Variants in FARS2 observed in about 807,000 individuals in gnomAD.
FARS2 encodes the protein phenylalanyl-tRNA synthetase 2, mitochondrial.
FARS2 carries 40 observed loss-of-function variants against 46.4 expected under a neutral mutation model. That is an observed-to-expected ratio of 0.86 (90% confidence interval 0.67 to 1.12). The LOEUF (loss-of-function observed/expected upper bound fraction) is 1.12, where lower values mean the gene tolerates loss of function less well. Among genes scored for constraint, FARS2 ranks in the 50% most tolerant of loss-of-function variants. The probability of loss-of-function intolerance (pLI) is 0.00; values close to 1 mark genes in which losing one functional copy is unlikely to be tolerated. For synonymous variants in FARS2, 234 were observed against 214.9 expected, an observed-to-expected ratio of 1.09 and a Z score of -0.78; for missense variants, 513 against 567.9, an observed-to-expected ratio of 0.90 and a Z score of 0.98.
At chr6:5,704,630 CA>C (rs1206905093) in intron 6 of FARS2, among the ~76,000 whole-genome samples, 1 of 151,876 alleles carries the variant, frequency 6.6e-6, no homozygotes, top group African/African-American at 2.4e-5. Flanking sequence ...CATTGACGTC[CA>C]AAAAAAGTGA....
At chr6:5,525,658 A>T (rs1270259844) in intron 4 of FARS2, among the ~76,000 whole-genome samples, 1 of 152,226 alleles carries the variant, frequency 6.6e-6, no homozygotes, top group Non-Finnish European at 1.5e-5. Flanking sequence ...TAAGGAGGAA[A>T]AAGCAGTTCA....
intron 6 of FARS2, among the ~76,000 whole-genome samples, chr6:5,646,202 T>G (rs1396890532): frequency 6.6e-6 from 1 of 152,178 alleles, no homozygotes; most frequent in Non-Finnish European, 1.5e-5. Flanking sequence ...TGTCCTTAAT[T>G]AAGACTTTAA....
At chr6:5,531,349 T>C (rs1406801585) in intron 4 of FARS2, among the ~76,000 whole-genome samples, 1 of 152,196 alleles carries the variant, frequency 6.6e-6, no homozygotes, top group Non-Finnish European at 1.5e-5. Flanking sequence ...GCAGGACCGT[T>C]GGGAATTGCT....
intron 1 of FARS2, among the ~76,000 whole-genome samples, chr6:5,296,139 T>G (rs1767849160): frequency 9.5e-6 from 1 of 105,170 alleles, no homozygotes; most frequent in African/African-American, 3.6e-5. Context: ...CTTTTTTTTT[T>G]TTTTTTTTTT....
chr6:5,656,981 T>G (rs1159395514), intron 6 of FARS2, among the ~76,000 whole-genome samples: 2 of 152,220 alleles, frequency 1.3e-5, no homozygotes, highest in African/African-American at 2.4e-5. Flanking sequence ...TGGCTTTTGA[T>G]CTGTATTTGA....
rs1224942120 is a variant in FARS2, at chr6:5,539,379, T to TG, written c.905-5801_905-5800insG. On this transcript the variant is annotated intron_variant, in intron 4 of 6. Coordinates refer to ENST00000274680, the MANE Select transcript of FARS2 (RefSeq NM_006567.5). ...CCGCCACCATGCCCACCTAATTTTT[T>TG]TTGTGTATATATATATATATGTATA... Among the ~76,000 whole-genome samples the TG allele has an allele frequency of 1.4e-4, 13 of 96,116 alleles. No homozygotes were observed. The East Asian group carries it at 1.5e-3, about 11-fold the overall frequency. 63.1% of individuals were successfully genotyped at this position (96,116 alleles called of 152,430 possible). A position where few individuals can be genotyped will look rare whatever the true frequency, so the allele number is the denominator to read the frequency against.
chr6:5,641,099 A>G (rs934118718), intron 6 of FARS2, among the ~76,000 whole-genome samples: 4 of 152,122 alleles, frequency 2.6e-5, no homozygotes, highest in African/African-American at 7.2e-5. Flanking sequence ...AATAGCAAAC[A>G]GTTGTTCTGC....
chr6:5,566,419 C>G (rs1219016601), intron 5 of FARS2, among the ~76,000 whole-genome samples: 1 of 152,140 alleles, frequency 6.6e-6, no homozygotes, highest in Non-Finnish European at 1.5e-5. Flanking sequence ...CAAAACAGAA[C>G]AGAGCCGTTG....
intron 3 of FARS2, among the ~76,000 whole-genome samples, chr6:5,429,593 G>T (rs995602268): frequency 4.6e-4 from 70 of 152,148 alleles, no homozygotes; most frequent in African/African-American, 1.7e-3. Context: ...ATTGCTTGAG[G>T]CCAGAAGTTC....
chr6:5,733,498 T>C (rs1348555456), intron 6 of FARS2, among the ~76,000 whole-genome samples: 1 of 152,206 alleles, frequency 6.6e-6, no homozygotes, highest in Non-Finnish European at 1.5e-5. Context: ...AACCATTGAC[T>C]CTCTTTCCAA....
At chr6:5,442,055 C>T (rs910699444) in intron 4 of FARS2, among the ~76,000 whole-genome samples, 4 of 151,762 alleles carry the variant, frequency 2.6e-5, no homozygotes, top group East Asian at 1.9e-4. Flanking sequence ...ATAGAGTAGC[C>T]GCCACTCCAC....
At chr6:5,345,218 A>G (rs1008597629) in intron 1 of FARS2, among the ~76,000 whole-genome samples, 3 of 152,186 alleles carry the variant, frequency 2.0e-5, no homozygotes, top group Middle Eastern at 3.4e-3. Context: ...AAACGCCATT[A>G]TAATTATTTT....
At position 5,410,461 on chromosome 6, in the gene FARS2, C is replaced by T. The variant is rs368346264; in HGVS notation, c.772+5760C>T. On this transcript the variant is annotated intron_variant, in intron 3 of 6. Coordinates refer to ENST00000274680, the MANE Select transcript of FARS2 (RefSeq NM_006567.5). ...ACAGGCGTGAGCCACTGCACCTGGC[C>T]GCGTTGTTCTATTTCAGGCATTTCA... Among the ~76,000 whole-genome samples the T allele has an allele frequency of 1.2e-4, 18 of 152,206 alleles. No individual in the cohort carries two copies. In the East Asian group the frequency reaches 1.7e-3, roughly 15 times the overall value.
intron 6 of FARS2, among the ~76,000 whole-genome samples, chr6:5,769,550 C>T (rs1318608284): frequency 6.6e-6 from 1 of 152,182 alleles, no homozygotes; most frequent in African/African-American, 2.4e-5. Flanking sequence ...AGTGCCTCCC[C>T]CAGGAGTCAG....
rs565892649 is a variant in FARS2 at position 5,677,956 on chromosome 6, T to TG, written c.1217+64638dup. On this transcript the variant is annotated intron_variant, in intron 6 of 6. Transcript: ENST00000274680. ...GCAACAATGAAAGTATGGATTCGAA[T>TG]GGCATCTTTGAAAATTGCAAGAAAT... is the stretch of plus-strand genomic sequence containing the variant. 4.3e-4 allele frequency among the ~76,000 whole-genome samples: 66 copies of TG among 152,270 alleles called. No individual in the cohort carries two copies. The East Asian group carries it at 0.01, about 24-fold the overall frequency.
intron 1 of FARS2, among the ~76,000 whole-genome samples, chr6:5,321,550 A>G (rs1230561441): frequency 6.6e-6 from 1 of 151,930 alleles, no homozygotes; most frequent in Non-Finnish European, 1.5e-5. Context: ...AGGACTGTGC[A>G]GGGGTGAAGA....
chr6:5,366,742 G>A (rs1290350581), intron 1 of FARS2, among the ~76,000 whole-genome samples: 1 of 152,166 alleles, frequency 6.6e-6, no homozygotes, highest in Admixed American at 6.5e-5. Flanking sequence ...GCACCTTTCC[G>A]AGAACAATTC....
rs544810352 is a variant in FARS2 at position 5,613,544 on chromosome 6, A to G, written c.1217+224A>G. ...TTTCCTGCCTTAGTAAAGAAAATATATGAAACAGAATCTTTTAAAAGTCCT... is the reference window on the plus strand; with the variant it reads ...TTTCCTGCCTTAGTAAAGAAAATATGTGAAACAGAATCTTTTAAAAGTCCT... On this transcript the variant is annotated intron_variant, in intron 6 of 6. Coordinates refer to ENST00000274680, the MANE Select transcript of FARS2 (RefSeq NM_006567.5). Among the ~76,000 whole-genome samples, 6 of 152,372 alleles carry G rather than the reference A, an allele frequency of 3.9e-5. No homozygotes were observed. The East Asian group carries it at 1.2e-3, about 29-fold the overall frequency.
At chr6:5,604,379 C>T (rs1029529383) in intron 5 of FARS2, among the ~76,000 whole-genome samples, 3 of 152,140 alleles carry the variant, frequency 2.0e-5, no homozygotes, top group Non-Finnish European at 4.4e-5. Flanking sequence ...GTCAGTTTCC[C>T]CCCCAGAAAG....
Sources: gnomAD v4.1 joint callset for allele counts (sites outside exome capture counted in the v4.1 genomes callset) on GRCh38, gnomAD v4.1.1 for gene constraint, MANE v1.5 for transcripts, NCBI Gene and HGNC (gene_info 2026-07-23, HGNC 2026-07-21) for gene names.